SMG1: variants seen among roughly 807,000 people sequenced by gnomAD.
The protein encoded by SMG1 is serine/threonine-protein kinase SMG1.
In SMG1, 22 loss-of-function variants were observed where a neutral mutation model predicts 419.9. The ratio of observed to expected loss-of-function variants is 0.05; its 90% CI spans 0.04 to 0.07. The LOEUF (loss-of-function observed/expected upper bound fraction) is 0.07. Ranked by LOEUF, SMG1 falls within the 10% of genes least tolerant of loss-of-function variation. The pLI is 1.00. For missense variants in SMG1, 3,185 were observed against 4,342.0 expected (o/e 0.73, Z 7.49); for synonymous variants, 1,538 against 1,553.5 (o/e 0.99, Z 0.23).
At chr16:18,838,884 T>G (rs2141278259) in intron 42 of SMG1, among the ~76,000 whole-genome samples, 195 bp from the exon 43 acceptor site, 1 of 152,334 alleles carries the variant, frequency 6.6e-6, no homozygotes, top group African/African-American at 2.4e-5. Context: ...ACCTGATTGG[T>G]CCTAGTTAAT....
Position 18,811,752 on chromosome 16 carries a change from C to T in SMG1, c.10908+9G>A. On this transcript the variant is annotated intron_variant, in intron 62 of 62. Transcript: ENST00000446231. Reference sequence around the variant, plus strand: ...TAAAATGTGTAGCCCAAGTTTAAAACACGGTCACCTGTTCAGCAACTGACA... The same window carrying T: ...TAAAATGTGTAGCCCAAGTTTAAAATACGGTCACCTGTTCAGCAACTGACA... 5.6e-6 allele frequency: 9 copies of T among 1,612,804 alleles called. No individual in the cohort carries two copies. Among genetic ancestry groups the T allele is most frequent in the South Asian group, 2.2e-5 (2 of 91,034 alleles).
intron 1 of SMG1, among the ~76,000 whole-genome samples, chr16:18,922,699 C>T (rs2038242636): frequency 6.6e-6 from 1 of 152,086 alleles, no homozygotes; most frequent in Non-Finnish European, 1.5e-5. Context: ...AGGCTGGTCT[C>T]GAATTCCTGA....
chr16:18,889,736 A>G (rs2036794698), intron 5 of SMG1, among the ~76,000 whole-genome samples, 151 bp from the exon 6 acceptor site: 1 of 152,178 alleles, frequency 6.6e-6, no homozygotes, highest in Non-Finnish European at 1.5e-5. Context: ...TCTCCACTCT[A>G]AATACTACAG....
chr16:18,859,458 T>C, intron 27 of SMG1, 98 bp downstream of exon 27: 1 of 635,836 alleles, frequency 1.6e-6, no homozygotes, highest in Non-Finnish European at 2.8e-6. Flanking sequence ...CACTAGTATT[T>C]AGTAATCTAG....
intron 26 of SMG1, among the ~76,000 whole-genome samples, chr16:18,860,373 T>C (rs1433884759): frequency 6.6e-6 from 1 of 152,240 alleles, no homozygotes; most frequent in Non-Finnish European, 1.5e-5. Flanking sequence ...CACATCAAGA[T>C]GAAAATCAAG....
Position 18,838,486 on chromosome 16 carries a change from A to G in SMG1, c.7085-20T>C, listed in dbSNP as rs200357633. On this transcript the variant is annotated intron_variant, in intron 43 of 62. Coordinates refer to ENST00000446231, the MANE Select transcript of SMG1 (RefSeq NM_015092.5). ...TTTTACCTTGAAAAGACAAATCATT[A>G]TATTTTTGCCCTTTCACCAAAAAAC... 9.7e-5 allele frequency: 157 copies of G among 1,613,974 alleles called. 1 individual carries two copies. The highest frequency in any genetic ancestry group is 8.7e-4 in the Admixed American group (52 of 60,024).
chr16:18,818,982 A>G (rs993761674), intron 56 of SMG1, among the ~76,000 whole-genome samples: 3 of 151,954 alleles, frequency 2.0e-5, no homozygotes, highest in Admixed American at 6.6e-5. Context: ...ACACCCAGCT[A>G]ATTTTTTTGT....
At chr16:18,866,947 G>A (rs1178291591) in intron 22 of SMG1, among the ~76,000 whole-genome samples, 172 bp from the exon 23 acceptor site, 1 of 152,098 alleles carries the variant, frequency 6.6e-6, no homozygotes, top group Non-Finnish European at 1.5e-5. Context: ...ATATAAAATA[G>A]CCACAAAGGG....
rs548800625 is a variant in SMG1 at position 18,807,323 on chromosome 16, A to G, written c.*2246T>C. 6.6e-6 allele frequency: 1 copy of G among 152,332 alleles called. No individual in the cohort carries two copies. Among genetic ancestry groups the G allele is most frequent in the Non-Finnish European group, 1.5e-5 (1 of 68,024 alleles). The allele number at this position is 152,332 out of a possible 1,614,324, so 9.4% of individuals were successfully genotyped here. On this transcript the variant is annotated 3_prime_UTR_variant, in exon 63 of 63. Transcript: ENST00000446231. ...GTTGCTGAAAGACTTTAATCTTGAG[A>G]GAGCAGAGGTAATGTGATGAATGTA...
chr16:18,862,655 C>G (rs900937074), intron 25 of SMG1, among the ~76,000 whole-genome samples: 1 of 152,160 alleles, frequency 6.6e-6, no homozygotes. Flanking sequence ...ACTTGCCCCC[C>G]ACCTCCAGTC....
In SMG1 at chr16:18,858,256, C is replaced by T. The variant is rs765593488; in HGVS notation, c.4148G>A (p.Arg1383His). The T allele has an allele frequency of 5.5e-5, 88 of 1,608,630 alleles. No individual in the cohort carries two copies. The highest frequency in any genetic ancestry group is 7.0e-5 in the Non-Finnish European group (82 of 1,177,744). Residue 1383 changes from arginine to histidine, a missense_variant, in exon 29 of 63, where the codon CGT becomes CAT. Coordinates refer to ENST00000446231, the MANE Select transcript of SMG1 (RefSeq NM_015092.5). ...CCTCACGTCATGCTGTTTACATGAA[C>T]GTAAAGCTTCACTGAAGAGTGGAAT... ...CLIPLFSEAL[R>H]SCKQHDVRPW...
chr16:18,819,117 A>T (rs34428559), intron 56 of SMG1, among the ~76,000 whole-genome samples: 1 of 151,924 alleles, frequency 6.6e-6, no homozygotes, highest in South Asian at 2.1e-4. Flanking sequence ...GCGCCTGGCC[A>T]ACAGGGCACA....
chr16:18,902,217 A>G (rs536942926), intron 1 of SMG1, among the ~76,000 whole-genome samples: 3 of 152,320 alleles, frequency 2.0e-5, no homozygotes, highest in African/African-American at 7.2e-5. Context: ...CCAGGAAGGT[A>G]TCATTTTTCA....
chr16:18,852,433 T>C lies in SMG1; in HGVS notation c.4798A>G (p.Ile1600Val). Residue 1600 changes from isoleucine (I) to valine (V), a missense_variant, in exon 32 of 63, where the codon ATT (isoleucine) becomes GTT (valine). Ile to Val is a conservative substitution (Grantham distance 29, BLOSUM62 3). This residue lies in a region of SMG1 where 493 missense variants were observed against 552.9 expected (regional missense o/e 0.89). Transcript: ENST00000446231. The stretch of plus-strand genomic sequence containing the variant: ...GACAGGTGATACAACTGTCCCAAAA[T>C]GAAGTCAGGTTCTCCAACTCCAATA... The part of the protein sequence containing the change: ...VHIGVGEPDF[I>V]LGQLYHLSSV... 1 of 1,596,816 alleles carries C rather than the reference T, an allele frequency of 6.3e-7. No individual in the cohort carries two copies. Among genetic ancestry groups the C allele is most frequent in the Non-Finnish European group, 8.5e-7 (1 of 1,171,888 alleles).
chr16:18,854,925 T>C, intron 29 of SMG1, 21 bp from the exon 30 acceptor site: 1 of 1,603,680 alleles, frequency 6.2e-7, no homozygotes, highest in Non-Finnish European at 8.5e-7. Context: ...GAAAACGTTT[T>C]ATTAGTTCCT....
intron 50 of SMG1, among the ~76,000 whole-genome samples, chr16:18,833,804 A>G (rs2033370025): frequency 6.6e-6 from 1 of 152,024 alleles, no homozygotes; most frequent in Non-Finnish European, 1.5e-5. Context: ...TTCTCATATT[A>G]TACACTCTCC....
At chr16:18,893,872 G>A (rs1289283161) in intron 3 of SMG1, among the ~76,000 whole-genome samples, 1 of 151,914 alleles carries the variant, frequency 6.6e-6, no homozygotes, top group Non-Finnish European at 1.5e-5. Flanking sequence ...CCTGGCCAAC[G>A]TGGTGGAACT....
chr16:18,881,290 AACC>A (rs1302079131), intron 10 of SMG1, among the ~76,000 whole-genome samples: 1 of 152,156 alleles, frequency 6.6e-6, no homozygotes, highest in African/African-American at 2.4e-5. Context: ...GTCTTCAAAC[AACC>A]ACCTTTTAGA....
chr16:18,885,739 T>C lies in SMG1; in HGVS notation c.823-73A>G, dbSNP rs987602886. 2.7e-5 allele frequency: 37 copies of C among 1,387,238 alleles called. No individual in the cohort carries two copies. The African/African-American group carries it at 5.0e-4, about 19-fold the overall frequency. 85.9% of individuals were successfully genotyped at this position (1,387,238 alleles called of 1,614,324 possible). ...GAAAACAAGCAAATTAGGTTCATTA[T>C]TTACTGACTACATAAAAAACTGAAT... On this transcript the variant is annotated intron_variant, in intron 6 of 62. Coordinates refer to ENST00000446231, the MANE Select transcript of SMG1 (RefSeq NM_015092.5).
Sources: gnomAD v4.1 joint callset for allele counts (sites outside exome capture counted in the v4.1 genomes callset) on GRCh38, gnomAD v4.1.1 for gene constraint, gnomAD v4.1.1 regional missense constraint, MANE v1.5 for transcripts, NCBI Gene and HGNC (gene_info 2026-07-23, HGNC 2026-07-21) for gene names.